Variants in ANKDD1A observed in about 807,000 individuals in gnomAD.
ANKDD1A encodes the protein ankyrin repeat and death domain containing 1A.
Under a neutral mutation model 63.5 loss-of-function variants are expected in ANKDD1A, and 59 were observed. The ratio of observed to expected loss-of-function variants is 0.93; its 90% CI spans 0.75 to 1.15. The LOEUF is 1.15. Ranked by LOEUF, ANKDD1A falls within the 50% of genes most tolerant of loss-of-function variation. ANKDD1A has a pLI of 0.00. For missense variants in ANKDD1A, 632 were observed against 656.4 expected, an observed-to-expected ratio of 0.96 and a Z score of 0.41; for synonymous variants, 266 against 263.9, an observed-to-expected ratio of 1.01 and a Z score of -0.08.
intron 10 of ANKDD1A, among the ~76,000 whole-genome samples, chr15:64,943,007 C>G (rs2085196427): frequency 6.6e-6 from 1 of 152,178 alleles, no homozygotes; most frequent in Non-Finnish European, 1.5e-5. Flanking sequence ...GGGCATGGCT[C>G]ACAGAGCCAC....
chr15:64,927,164 A>G (rs565411229), intron 6 of ANKDD1A, among the ~76,000 whole-genome samples, 165 bp downstream of exon 6: 7 of 152,242 alleles, frequency 4.6e-5, no homozygotes, highest in Admixed American at 6.5e-5. Flanking sequence ...GCCCTTCACC[A>G]GCGTGTGCTA....
chr15:64,941,393 C>T (rs553383759), intron 9 of ANKDD1A, among the ~76,000 whole-genome samples: 1 of 152,240 alleles, frequency 6.6e-6, no homozygotes, highest in Non-Finnish European at 1.5e-5. Context: ...CTGGGAAGTC[C>T]TAGAGCATGG....
chr15:64,956,902 C>G (rs2085422128), intron 14 of ANKDD1A, among the ~76,000 whole-genome samples: 1 of 152,080 alleles, frequency 6.6e-6, no homozygotes, highest in Admixed American at 6.6e-5. Flanking sequence ...TATTTGTGAT[C>G]TATTACGTTA....
intron 14 of ANKDD1A, chr15:64,951,344 T>TC (rs2085270407): frequency 3.7e-6 from 2 of 542,428 alleles, no homozygotes; most frequent in African/African-American, 5.4e-5. Flanking sequence ...TTCTTTCTTC[T>TC]TTCCTCTTCT....
chr15:64,947,116 G>C lies in ANKDD1A; in HGVS notation c.1162-288G>C, dbSNP rs552541821. 3.0e-4 allele frequency among the ~76,000 whole-genome samples: 46 copies of C among 152,308 alleles called. 1 individual carries two copies. The South Asian group carries it at 8.9e-3, about 29-fold the overall frequency. ...AGGAATCTGGAAAGGCTCCCTGGAA[G>C]TAGCACATGGGTAGTCTTTTGACTA... is the stretch of plus-strand genomic sequence containing the variant. On this transcript the variant is annotated intron_variant, in intron 12 of 14. Coordinates refer to ENST00000319580, the MANE Select transcript of ANKDD1A (RefSeq NM_182703.6).
intron 14 of ANKDD1A, among the ~76,000 whole-genome samples, chr15:64,954,862 T>C (rs374288863): frequency 8.4e-4 from 12 of 14,340 alleles, no homozygotes; most frequent in South Asian, 6.4e-3. Flanking sequence ...TCTTCTTTCT[T>C]CTCCTTTTCT....
chr15:64,957,949 G>C lies in ANKDD1A; in HGVS notation c.*761G>C, dbSNP rs1464073162. ...AGACAAAGGCTAAGAAACTAATCAG[G>C]TGGTTTCCCTGGGGTAGTAGGATAA... On this transcript the variant is annotated 3_prime_UTR_variant, in exon 15 of 15. Coordinates refer to ENST00000319580, the MANE Select transcript of ANKDD1A (RefSeq NM_182703.6). 6.6e-6 allele frequency: 1 copy of C among 151,988 alleles called. No homozygotes were observed. The highest frequency in any genetic ancestry group is 1.5e-5 in the Non-Finnish European group (1 of 68,048). 9.4% of individuals were successfully genotyped at this position (151,988 alleles called of 1,614,324 possible). A position where few individuals can be genotyped will look rare whatever the true frequency, so the allele number is the denominator to read the frequency against.
At chr15:64,939,937 A>C (rs1221605134) in intron 9 of ANKDD1A, among the ~76,000 whole-genome samples, 1 of 152,034 alleles carries the variant, frequency 6.6e-6, no homozygotes, top group African/African-American at 2.4e-5. Context: ...TAGGCCAAAG[A>C]GTTCTTAGAC....
intron 3 of ANKDD1A, among the ~76,000 whole-genome samples, chr15:64,918,044 C>T (rs1272471955): frequency 1.3e-5 from 2 of 152,198 alleles, no homozygotes; most frequent in East Asian, 3.9e-4. Context: ...GAAAGGGATA[C>T]ACTTATGGCT....
At chr15:64,931,007 T>A in intron 7 of ANKDD1A, 87 bp downstream of exon 7, 1 of 1,407,344 alleles carries the variant, frequency 7.1e-7, no homozygotes, top group South Asian at 1.3e-5. Flanking sequence ...TGGTGAAGTC[T>A]AAAGCCAGAA....
At chr15:64,918,761 C>G (rs1402969353) in intron 3 of ANKDD1A, among the ~76,000 whole-genome samples, 2 of 152,116 alleles carry the variant, frequency 1.3e-5, no homozygotes, top group Non-Finnish European at 2.9e-5. Flanking sequence ...CGAGACCAGC[C>G]TGGCCAACAT....
rs750196539 is a variant in ANKDD1A, at chr15:64,921,960, C to T, written c.307C>T (p.His103Tyr). Reference protein sequence around the residue: ...NALLLSAWFGHLRILQILVNS... With the variant: ...NALLLSAWFGYLRILQILVNS... ...GCTTCTCCTGTCTGCCTGGTTCGGC[C>T]ACTTACGAATCCTCCAGATCTTGGT... The change falls in exon 4 of 15, where the codon CAC becomes TAC. Residue 103 changes from histidine (H) to tyrosine (Y), a missense_variant. His to Tyr is a moderately conservative substitution (Grantham distance 83). Transcript: ENST00000319580. 6.2e-7 allele frequency: 1 copy of T among 1,614,208 alleles called. No individual in the cohort carries two copies. Among genetic ancestry groups the T allele is most frequent in the African/African-American group, 1.3e-5 (1 of 75,052 alleles).
chr15:64,939,961 CATG>C (rs553110873), intron 9 of ANKDD1A, among the ~76,000 whole-genome samples: 269 of 152,208 alleles, frequency 1.8e-3, no homozygotes, highest in Non-Finnish European at 2.7e-3. Flanking sequence ...ACACCAGAAA[CATG>C]ATCCATTGAA....
chr15:64,916,144 A>G (rs2084966873), intron 2 of ANKDD1A, among the ~76,000 whole-genome samples: 1 of 152,172 alleles, frequency 6.6e-6, no homozygotes, highest in South Asian at 2.1e-4. Flanking sequence ...CCAGAGGTCA[A>G]ACTCTTAACT....
intron 3 of ANKDD1A, among the ~76,000 whole-genome samples, chr15:64,921,525 C>G (rs975659279): frequency 6.6e-6 from 1 of 152,192 alleles, no homozygotes; most frequent in Non-Finnish European, 1.5e-5. Context: ...CAGGTGCCCA[C>G]CACCACGCTC....
Position 64,930,734 on chromosome 15 carries a change from C to T in ANKDD1A, c.571-88C>T, listed in dbSNP as rs375996256. Reference sequence around the variant, plus strand: ...GTTGTCAGGAGCAGGGTGGCACTGACCCAGTGTGCATGGCTGCAGCTCATC... The same window carrying T: ...GTTGTCAGGAGCAGGGTGGCACTGATCCAGTGTGCATGGCTGCAGCTCATC... On this transcript the variant is annotated intron_variant, in intron 6 of 14. Transcript: ENST00000319580. 4 of 1,330,620 alleles carry T rather than the reference C, an allele frequency of 3.0e-6. No homozygotes were observed. The East Asian group carries it at 7.2e-5, about 24-fold the overall frequency. The allele number at this position is 1,330,620 out of a possible 1,614,324, so 82.4% of individuals were successfully genotyped here.
chr15:64,928,344 G>A (rs575495412), intron 6 of ANKDD1A, among the ~76,000 whole-genome samples: 1 of 152,254 alleles, frequency 6.6e-6, no homozygotes, highest in Non-Finnish European at 1.5e-5. Flanking sequence ...GGGGAGGGCA[G>A]TGCCTGCCAG....
At chr15:64,951,620 TC>T (rs2085279974) in intron 14 of ANKDD1A, among the ~76,000 whole-genome samples, 1 of 28,060 alleles carries the variant, frequency 3.6e-5, no homozygotes, top group Non-Finnish European at 9.8e-5. Flanking sequence ...TCCTTATTCT[TC>T]TTCTCTTCTT....
intron 9 of ANKDD1A, among the ~76,000 whole-genome samples, chr15:64,941,711 T>C (rs951164639): frequency 2.0e-5 from 3 of 152,200 alleles, no homozygotes; most frequent in Non-Finnish European, 4.4e-5. Context: ...TTATTGGCCT[T>C]GTACTATTCC....
Sources: allele counts gnomAD v4.1 joint callset (sites outside exome capture counted in the v4.1 genomes callset), GRCh38; gene constraint gnomAD v4.1.1; transcripts MANE v1.5; gene names NCBI Gene and HGNC (gene_info 2026-07-23, HGNC 2026-07-21).